Variants in ZFP1 observed in about 807,000 individuals in gnomAD.
The protein encoded by ZFP1 is zinc finger protein 1 homolog.
A neutral mutation model predicts 38.5 loss-of-function variants in ZFP1; 32 were observed. The observed-to-expected ratio is 0.83, with a 90% CI of 0.63 to 1.12. The LOEUF (loss-of-function observed/expected upper bound fraction) is 1.12, where lower values mean the gene tolerates loss of function less well. ZFP1 is among the 50% of genes most tolerant of loss of function. The probability of loss-of-function intolerance (pLI) is 0.00; values close to 1 mark genes in which losing one functional copy is unlikely to be tolerated. For synonymous variants in ZFP1, 245 were observed against 168.8 expected (o/e 1.45, Z -3.50); for missense variants, 616 against 480.8 (o/e 1.28, Z -2.63).
chr16:75,125,408 A>C, the ZFP1 span, among the ~76,000 whole-genome samples: 1 of 152,038 alleles, frequency 6.6e-6, no homozygotes, highest in Non-Finnish European at 1.5e-5. Context: ...TGCAGACTCC[A>C]CCTCCTAGGT....
At chr16:75,158,963 C>T (rs2037608817) in intron 2 of ZFP1, among the ~76,000 whole-genome samples, 1 of 143,222 alleles carries the variant, frequency 7.0e-6, no homozygotes, top group South Asian at 2.2e-4. Flanking sequence ...GTGGCTTGAT[C>T]TCCATTCACT....
intron 2 of ZFP1, among the ~76,000 whole-genome samples, chr16:75,160,800 T>A (rs2037731997): frequency 6.6e-6 from 1 of 152,086 alleles, no homozygotes. Context: ...GGAGGAGTGC[T>A]GTGTCCTGGC....
At chr16:75,125,778 C>T in the ZFP1 span, among the ~76,000 whole-genome samples, 1 of 151,932 alleles carries the variant, frequency 6.6e-6, no homozygotes, top group Non-Finnish European at 1.5e-5. Context: ...TGCGGTGGCT[C>T]ATGACTGTAA....
At chr16:75,153,204 A>G (rs889342686) in intron 2 of ZFP1, among the ~76,000 whole-genome samples, 1 of 152,230 alleles carries the variant, frequency 6.6e-6, no homozygotes, top group Non-Finnish European at 1.5e-5. Context: ...ACCTTCATAT[A>G]GATGGTGTTT....
At chr16:75,131,779 C>T in the ZFP1 span, among the ~76,000 whole-genome samples, 1 of 152,054 alleles carries the variant, frequency 6.6e-6, no homozygotes, top group Non-Finnish European at 1.5e-5. Context: ...GCCTGGCCAA[C>T]ATGATACAAC....
At chr16:75,146,174 T>C (rs116157706), upstream of ZFP1, among the ~76,000 whole-genome samples, 13,398 of 151,740 alleles carry the variant, frequency 0.088, 1,115 homozygotes, top group African/African-American at 0.21. Flanking sequence ...TTTTTTTTTT[T>C]TTTTTGGAGA....
chr16:75,153,281 A>G (rs1466003050), intron 2 of ZFP1, among the ~76,000 whole-genome samples: 1 of 152,190 alleles, frequency 6.6e-6, no homozygotes. Context: ...TGTTTCATAT[A>G]ACATTCCTCA....
upstream of ZFP1, chr16:75,148,500 A>G (rs950088183): frequency 1.3e-5 from 2 of 152,264 alleles, no homozygotes; most frequent in Non-Finnish European, 2.9e-5. Flanking sequence ...GCGCATGTGC[A>G]GTGCTGCGAG....
At chr16:75,152,787 G>T in intron 1 of ZFP1, 122 bp from the exon 2 acceptor site, 1 of 818,036 alleles carries the variant, frequency 1.2e-6, no homozygotes, top group Non-Finnish European at 1.9e-6. Context: ...GAGGCAAAGG[G>T]ACTTTCCCAG....
the ZFP1 span, among the ~76,000 whole-genome samples, chr16:75,128,895 A>C: frequency 6.6e-6 from 1 of 152,198 alleles, no homozygotes; most frequent in African/African-American, 2.4e-5. Context: ...GGTTCAAGCT[A>C]TTCTCCTGCC....
rs889288457 is a variant in ZFP1, at chr16:75,148,532, C to G, written c.-155C>G. The G allele has an allele frequency of 6.6e-6, 1 of 152,276 alleles. No homozygotes were observed. The highest frequency in any genetic ancestry group is 1.5e-5 in the Non-Finnish European group (1 of 68,100). 9.4% of individuals were successfully genotyped at this position (152,276 alleles called of 1,614,324 possible). Reference sequence around the variant, plus strand: ...CGAGCGCGCCGGTGGCCGCCCTTCCCCCACCACCAGCGGCGAGTGGGTGAC... The same window carrying G: ...CGAGCGCGCCGGTGGCCGCCCTTCCGCCACCACCAGCGGCGAGTGGGTGAC... On this transcript the variant is annotated 5_prime_UTR_variant, in exon 1 of 4. Coordinates refer to ENST00000570010, the MANE Select transcript of ZFP1 (RefSeq NM_153688.4).
rs117575076 is a variant in ZFP1 at position 75,167,255 on chromosome 16, A to T, written c.142+359A>T. ...AGCCAGTGGAATTAGTATCCAGACGATTATGAGCAGCTCAGTACCTTTGAA... is the reference window on the plus strand; with the variant it reads ...AGCCAGTGGAATTAGTATCCAGACGTTTATGAGCAGCTCAGTACCTTTGAA... On this transcript the variant is annotated intron_variant, in intron 3 of 3. Transcript: ENST00000570010. Among the ~76,000 whole-genome samples, 563 of 152,330 alleles carry T rather than the reference A, an allele frequency of 3.7e-3. 11 individuals are homozygous for T. In the East Asian group the frequency reaches 0.047, roughly 13 times the overall value.
In ZFP1 at chr16:75,170,524, T is replaced by C; in HGVS notation, c.*190T>C. On this transcript the variant is annotated 3_prime_UTR_variant, in exon 4 of 4. Transcript: ENST00000570010. ...TTACATGTGATACCCAGCTAAAGAA[T>C]ACATATCAGAATATATCCAGTTGTA... 1 of 816,846 alleles carries C rather than the reference T, an allele frequency of 1.2e-6. No individual in the cohort carries two copies. Among genetic ancestry groups the C allele is most frequent in the Non-Finnish European group, 1.7e-6 (1 of 577,112 alleles). The allele number at this position is 816,846 out of a possible 1,614,324, so 50.6% of individuals were successfully genotyped here.
At chr16:75,146,082 C>T (rs142511812), upstream of ZFP1, among the ~76,000 whole-genome samples, 130 of 152,246 alleles carry the variant, frequency 8.5e-4, no homozygotes, top group Non-Finnish European at 1.3e-3. Context: ...AAGCTAGCCA[C>T]GACAAGTCCC....
At chr16:75,119,171 G>T in the ZFP1 span, among the ~76,000 whole-genome samples, 1 of 152,138 alleles carries the variant, frequency 6.6e-6, no homozygotes, top group Non-Finnish European at 1.5e-5. Flanking sequence ...AATTAACTGA[G>T]ACCTTTCTCA....
chr16:75,150,514 C>T lies in ZFP1; in HGVS notation c.-44+1871C>T, dbSNP rs578070269. On this transcript the variant is annotated intron_variant, in intron 1 of 3. Transcript: ENST00000570010. ...GATCACAGGCGTGAGCCATCGCACC[C>T]GGCCCAGATCTTTTTATATTATTGA... 2.4e-3 allele frequency among the ~76,000 whole-genome samples: 362 copies of T among 152,230 alleles called. 2 individuals carry two copies. The highest frequency in any genetic ancestry group is 8.2e-3 in the African/African-American group (340 of 41,526).
intron 2 of ZFP1, among the ~76,000 whole-genome samples, chr16:75,165,555 C>T (rs772204209): frequency 4.6e-5 from 7 of 151,942 alleles, no homozygotes; most frequent in Non-Finnish European, 7.4e-5. Context: ...CTACCACACC[C>T]GGATAATTTT....
At chr16:75,165,538 G>GCGCCCTCTA (rs1392348687) in intron 2 of ZFP1, among the ~76,000 whole-genome samples, 1 of 152,012 alleles carries the variant, frequency 6.6e-6, no homozygotes, top group Non-Finnish European at 1.5e-5. Context: ...GGGATTACAG[G>GCGCCCTCTA]CGCCCTCTAC....
At chr16:75,152,251 T>A (rs9931757) in intron 1 of ZFP1, among the ~76,000 whole-genome samples, 119,024 of 152,032 alleles carry the variant, frequency 0.78, 47,767 homozygotes, top group Non-Finnish European at 0.87. Flanking sequence ...TGTGGTTTCA[T>A]ATTATTATTT....
Sources: gnomAD v4.1 joint callset for allele counts (sites outside exome capture counted in the v4.1 genomes callset) on GRCh38, gnomAD v4.1.1 for gene constraint, MANE v1.5 for transcripts, NCBI Gene and HGNC (gene_info 2026-07-23, HGNC 2026-07-21) for gene names.